The following AGO2 variants were observed in gnomAD, a reference collection of about 807,000 sequenced individuals.
AGO2 encodes the protein protein argonaute-2.
Under a neutral mutation model 102.3 loss-of-function variants are expected in AGO2, and 5 were observed. That is an observed-to-expected ratio of 0.05 (90% CI 0.03 to 0.10). The LOEUF (loss-of-function observed/expected upper bound fraction) is 0.10, where lower values mean the gene tolerates loss of function less well. Among genes scored for constraint, AGO2 ranks in the 10% least tolerant of loss-of-function variants. The probability of loss-of-function intolerance (pLI) is 1.00; values close to 1 mark genes in which losing one functional copy is unlikely to be tolerated. For synonymous variants in AGO2, 449 were observed against 473.1 expected, an observed-to-expected ratio of 0.95 and a Z score of 0.66; for missense variants, 541 against 1,183.7, an observed-to-expected ratio of 0.46 and a Z score of 7.97.
intron 2 of AGO2, among the ~76,000 whole-genome samples, chr8:140,574,578 G>C (rs2073436866): frequency 6.6e-6 from 1 of 151,996 alleles, no homozygotes; most frequent in Non-Finnish European, 1.5e-5. Flanking sequence ...GGGGTTCTGA[G>C]GCATTTTGAC....
rs2977452 is a variant in AGO2, at chr8:140,525,918, T to A, written c.*6126A>T. The A allele has an allele frequency of 0.86, 131,345 of 152,182 alleles. 56,984 individuals are homozygous for A. The highest frequency in any genetic ancestry group is 1 in the East Asian group (5,141 of 5,164). 9.4% of individuals were successfully genotyped at this position (152,182 alleles called of 1,614,324 possible). A position where few individuals can be genotyped will look rare whatever the true frequency, so the allele number is the denominator to read the frequency against. The stretch of plus-strand genomic sequence containing the variant: ...TCCCAGGACCGACTTCCTGCAAGTC[T>A]GCATCAGACGGTCCACTGCGCCACT... On this transcript the variant is annotated 3_prime_UTR_variant, in exon 19 of 19. Coordinates refer to ENST00000220592, the MANE Select transcript of AGO2 (RefSeq NM_012154.5).
rs576841081 is a variant in AGO2 at position 140,557,326 on chromosome 8, C to T, written c.879-90G>A. ...CATTTGCGTTTGCTTTTTAGGGTGA[C>T]GTGTGAGGAGCAAACATTCAGAGCA... On this transcript the variant is annotated intron_variant, in intron 7 of 18. Coordinates refer to ENST00000220592, the MANE Select transcript of AGO2 (RefSeq NM_012154.5). This position sits in a 1 kb window ranked among gnomAD's most constrained non-coding sequence, Gnocchi z 5.9. The T allele has an allele frequency of 3.2e-4, 468 of 1,464,316 alleles. 8 individuals carry two copies. In the South Asian group the frequency reaches 6.2e-3, roughly 19 times the overall value. 90.7% of individuals were successfully genotyped at this position (1,464,316 alleles called of 1,614,324 possible).
At chr8:140,580,821 G>A (rs905269019) in intron 2 of AGO2, among the ~76,000 whole-genome samples, 2 of 152,232 alleles carry the variant, frequency 1.3e-5, no homozygotes, top group Non-Finnish European at 2.9e-5. Context: ...CTCCGTCTAG[G>A]CAGCCACTCT....
chr8:140,560,740 G>T (rs1296412004), intron 4 of AGO2, among the ~76,000 whole-genome samples: 1 of 152,228 alleles, frequency 6.6e-6, no homozygotes, highest in Non-Finnish European at 1.5e-5. Context: ...GGGGGATGGT[G>T]AAAGACGTTT....
intron 12 of AGO2, among the ~76,000 whole-genome samples, 166 bp downstream of exon 12, chr8:140,548,948 C>T (rs2072949126): frequency 6.6e-6 from 1 of 152,254 alleles, no homozygotes; most frequent in African/African-American, 2.4e-5. Context: ...ACACAGTGAT[C>T]AGAAGTGGCA....
At chr8:140,634,677 A>G (rs1041751087) in intron 1 of AGO2, among the ~76,000 whole-genome samples, 6 of 152,258 alleles carry the variant, frequency 3.9e-5, no homozygotes, top group African/African-American at 1.4e-4. Flanking sequence ...GGGGTGCTAC[A>G]GGAATCCACC....
intron 1 of AGO2, among the ~76,000 whole-genome samples, chr8:140,619,392 C>G (rs2074185008): frequency 6.6e-6 from 1 of 152,206 alleles, no homozygotes; most frequent in South Asian, 2.1e-4. Flanking sequence ...CGCAACGACA[C>G]AAGAGAAATA....
At chr8:140,622,311 G>T (rs2074229352) in intron 1 of AGO2, among the ~76,000 whole-genome samples, 1 of 131,102 alleles carries the variant, frequency 7.6e-6, no homozygotes, top group Non-Finnish European at 1.6e-5. Flanking sequence ...CCTCTTGGGG[G>T]AATAATGCAC....
chr8:140,584,323 G>T (rs1376795866), intron 2 of AGO2, among the ~76,000 whole-genome samples: 1 of 152,060 alleles, frequency 6.6e-6, no homozygotes, highest in African/African-American at 2.4e-5. Context: ...AAAAAAACAC[G>T]CCTGACCACA....
chr8:140,615,822 T>C (rs533067516), intron 1 of AGO2, among the ~76,000 whole-genome samples: 21 of 152,370 alleles, frequency 1.4e-4, no homozygotes, highest in South Asian at 4.1e-4. Context: ...GGAGCACTCA[T>C]GTGTTTGCTC....
chr8:140,592,111 ACT>A (rs1053198255), intron 1 of AGO2: 4 of 110,814 alleles, frequency 3.6e-5, no homozygotes, highest in Non-Finnish European at 6.0e-5. Flanking sequence ...CAAGAGCAAA[ACT>A]CTGTCTCAAA....
chr8:140,556,111 G>A (rs915902725), intron 9 of AGO2, 56 bp downstream of exon 9: 5 of 1,611,268 alleles, frequency 3.1e-6, no homozygotes, highest in Non-Finnish European at 4.2e-6. Flanking sequence ...AGGTTTCTGT[G>A]CCAGGGCAAC....
chr8:140,630,764 A>G (rs906100711), intron 1 of AGO2, among the ~76,000 whole-genome samples: 2 of 152,268 alleles, frequency 1.3e-5, no homozygotes, highest in East Asian at 3.8e-4. Flanking sequence ...TAGGTCATAC[A>G]GTGTCGCTTC....
At chr8:140,618,622 G>A (rs2074173598) in intron 1 of AGO2, among the ~76,000 whole-genome samples, 2 of 152,162 alleles carry the variant, frequency 1.3e-5, no homozygotes, top group African/African-American at 4.8e-5. Context: ...CCCATGTATA[G>A]AAATGTGTGA....
intron 1 of AGO2, among the ~76,000 whole-genome samples, chr8:140,591,183 C>T (rs1008624188): frequency 1.3e-5 from 2 of 152,242 alleles, no homozygotes; most frequent in African/African-American, 4.8e-5. Flanking sequence ...TCTGCAGGCG[C>T]GGTTCCTGGA....
chr8:140,638,006 T>C (rs1185634497), upstream of AGO2: 1 of 152,274 alleles, frequency 6.6e-6, no homozygotes, highest in Admixed American at 6.5e-5. Flanking sequence ...TTCTCCCTGA[T>C]ACAATTCCTT....
At chr8:140,576,501 G>C (rs1156900134) in intron 2 of AGO2, among the ~76,000 whole-genome samples, 1 of 152,156 alleles carries the variant, frequency 6.6e-6, no homozygotes, top group African/African-American at 2.4e-5. Context: ...GGCAGAAGAG[G>C]ATACACAAAT....
intron 2 of AGO2, among the ~76,000 whole-genome samples, chr8:140,582,255 CAG>C (rs1209273489): frequency 2.0e-5 from 3 of 152,136 alleles, no homozygotes; most frequent in African/African-American, 7.2e-5. Context: ...AAAGACAACA[CAG>C]AAGAGAATCC....
At chr8:140,597,465 G>GCCCCCCCC (rs1564108147) in intron 1 of AGO2, among the ~76,000 whole-genome samples, 4 of 79,288 alleles carry the variant, frequency 5.0e-5, no homozygotes, top group African/African-American at 1.5e-4. Context: ...GGGGCTGGGT[G>GCCCCCCCC]GCCCCCCCAC....
Sources: allele counts gnomAD v4.1 joint callset (sites outside exome capture counted in the v4.1 genomes callset), GRCh38; gene constraint gnomAD v4.1.1; non-coding constraint Gnocchi (gnomAD v3.1); transcripts MANE v1.5; gene names NCBI Gene and HGNC (gene_info 2026-07-23, HGNC 2026-07-21).